The following C11orf54 variants were observed in gnomAD, a reference collection of about 807,000 sequenced individuals.
C11orf54 encodes beta-keto L-gulonate decarboxylase.
In C11orf54, 29 loss-of-function variants were observed where a neutral mutation model predicts 35.5. That is an observed-to-expected ratio of 0.82 (90% CI 0.61 to 1.11). C11orf54 has a LOEUF of 1.11. Among genes scored for constraint, C11orf54 ranks in the 50% most tolerant of loss-of-function variants. The pLI is 0.00. For synonymous variants in C11orf54, 108 were observed against 121.1 expected, an observed-to-expected ratio of 0.89 and a Z score of 0.71; for missense variants, 373 against 369.2, an observed-to-expected ratio of 1.01 and a Z score of -0.08.
chr11:93,749,779 C>G (rs76541689), intron 2 of C11orf54, among the ~76,000 whole-genome samples: 2,717 of 152,228 alleles, frequency 0.018, 87 homozygotes, highest in African/African-American at 0.061. Flanking sequence ...CTTGAGTGTA[C>G]AGCTTGATGA....
At chr11:93,744,700 AG>A (rs1169708218) in intron 1 of C11orf54, among the ~76,000 whole-genome samples, 1 of 152,228 alleles carries the variant, frequency 6.6e-6, no homozygotes, top group Non-Finnish European at 1.5e-5. Context: ...CCAAAACTGA[AG>A]GGGGCCTGCC....
At position 93,755,273 on chromosome 11, in the gene C11orf54, C is replaced by T; in HGVS notation, c.394C>T (p.His132Tyr). The change falls in exon 6 of 9, where the codon CAT becomes TAT. Residue 132 changes from histidine (H) to tyrosine (Y), a missense_variant. By Grantham distance (83) the His-to-Tyr change is moderately conservative (BLOSUM62 2). Coordinates refer to ENST00000354421, the MANE Select transcript of C11orf54 (RefSeq NM_001286069.2). ...TCCTGTAAATGGAAGTTACTTTGCC[C>T]ATGTGAACCCTGCAGATGGAGGGTG... ...KPPVNGSYFA[H>Y]VNPADGGCLL... The T allele has an allele frequency of 1.2e-6, 2 of 1,614,044 alleles. No homozygotes were observed. The highest frequency in any genetic ancestry group is 1.7e-6 in the Non-Finnish European group (2 of 1,179,984).
intron 2 of C11orf54, among the ~76,000 whole-genome samples, chr11:93,747,853 C>T (rs1942568516): frequency 6.6e-6 from 1 of 151,986 alleles, no homozygotes; most frequent in African/African-American, 2.4e-5. Flanking sequence ...TAATCATATT[C>T]CCAATATAAT....
In C11orf54 at chr11:93,761,758, T is replaced by C. The variant is rs1028299241; in HGVS notation, c.*70T>C. The C allele has an allele frequency of 1.5e-6, 2 of 1,372,728 alleles. No homozygotes were observed. Among genetic ancestry groups the C allele is most frequent in the African/African-American group, 3.0e-5 (2 of 67,656 alleles). The allele number at this position is 1,372,728 out of a possible 1,614,324, so 85.0% of individuals were successfully genotyped here. On this transcript the variant is annotated 3_prime_UTR_variant, in exon 9 of 9. Transcript: ENST00000354421. ...AATTGATTGACTTATTAATTAATAC[T>C]GATATAAAACCAATAGAAATGATCC...
chr11:93,761,874 A>C lies in C11orf54; in HGVS notation c.*186A>C, dbSNP rs1277214884. 4.4e-6 allele frequency: 2 copies of C among 450,732 alleles called. No homozygotes were observed. Among genetic ancestry groups the C allele is most frequent in the African/African-American group, 4.0e-5 (2 of 49,400 alleles). The allele number at this position is 450,732 out of a possible 1,614,324, so 27.9% of individuals were successfully genotyped here. On this transcript the variant is annotated 3_prime_UTR_variant, in exon 9 of 9. Transcript: ENST00000354421. ...CACTGGAGCCCAGGAGTTTGAGACC[A>C]GCTTGGGCAACATAGCAAGACCCTG...
In C11orf54 at chr11:93,741,733, G is replaced by A; in HGVS notation, c.-98+5G>A. The A allele has an allele frequency of 2.9e-6, 1 of 344,820 alleles. No homozygotes were observed. Among genetic ancestry groups the A allele is most frequent in the Non-Finnish European group, 5.7e-6 (1 of 174,826 alleles). The allele number at this position is 344,820 out of a possible 1,614,324, so 21.4% of individuals were successfully genotyped here. A position where few individuals can be genotyped will look rare whatever the true frequency, so the allele number is the denominator to read the frequency against. On this transcript the variant is annotated splice_donor_5th_base_variant and intron_variant, in intron 1 of 8. Coordinates refer to ENST00000354421, the MANE Select transcript of C11orf54 (RefSeq NM_001286069.2). ...TTTGCTACCGTGACCGTTTAGGTGA[G>A]TGGAATAGCCAAGAACATTTCGGCA...
chr11:93,749,898 T>C (rs570071686), intron 2 of C11orf54, among the ~76,000 whole-genome samples: 1 of 152,354 alleles, frequency 6.6e-6, no homozygotes, highest in African/African-American at 2.4e-5. Flanking sequence ...CCTTGATCCA[T>C]TGCCTGTTTC....
Position 93,756,002 on chromosome 11 carries a change from A to G in C11orf54, c.507+616A>G, listed in dbSNP as rs1215811995. Among the ~76,000 whole-genome samples the G allele has an allele frequency of 2.0e-5, 3 of 151,924 alleles. No homozygotes were observed. The East Asian group carries it at 5.8e-4, about 29-fold the overall frequency. ...GCCAACATAGCGAAACCTCGTCTCT[A>G]CTAAAAATACAAAAATTAGACAGGG... On this transcript the variant is annotated intron_variant, in intron 6 of 8. Coordinates refer to ENST00000354421, the MANE Select transcript of C11orf54 (RefSeq NM_001286069.2).
intron 5 of C11orf54, among the ~76,000 whole-genome samples, chr11:93,754,597 T>C (rs1943030112): frequency 6.6e-6 from 1 of 152,198 alleles, no homozygotes; most frequent in Non-Finnish European, 1.5e-5. Context: ...ATATGAATAG[T>C]AGTCATACAA....
intron 2 of C11orf54, 120 bp from the exon 3 acceptor site, chr11:93,750,226 C>T: frequency 3.0e-6 from 2 of 673,302 alleles, no homozygotes; most frequent in Non-Finnish European, 5.1e-6. Flanking sequence ...ACCATTTCCC[C>T]CTTCTTTTTT....
chr11:93,764,578 A>G lies in C11orf54; in HGVS notation c.*2890A>G, dbSNP rs1162189636. On this transcript the variant is annotated 3_prime_UTR_variant, in exon 9 of 9. Coordinates refer to ENST00000354421, the MANE Select transcript of C11orf54 (RefSeq NM_001286069.2). Reference sequence around the variant, plus strand: ...TCACACCATCTAATAGAGATGGGGGAAAAGATCAAAATGCTTTTCTTTTTA... The same window carrying G: ...TCACACCATCTAATAGAGATGGGGGGAAAGATCAAAATGCTTTTCTTTTTA... 1.3e-5 allele frequency: 2 copies of G among 152,158 alleles called. No individual in the cohort carries two copies. The highest frequency in any genetic ancestry group is 2.9e-5 in the Non-Finnish European group (2 of 68,026). The allele number at this position is 152,158 out of a possible 1,614,324, so 9.4% of individuals were successfully genotyped here.
Position 93,761,541 on chromosome 11 carries a change from TC to T in C11orf54, c.802del (p.His268IlefsTer20). ...GGTTTGATTTGCGACTGGAGCACAC[TC>T]ATTTTTTTAGTCGTCATGGAGAAGG... is the stretch of plus-strand genomic sequence containing the variant. Reference protein sequence around the residue: ...PGFDLRLEHTHFFSRHGEGGH... With the variant: ...PGFDLRLEHTXFFSRHGEGGH... On this transcript the variant is annotated frameshift_variant, in exon 9 of 9. Transcript: ENST00000354421. LOFTEE classifies it high-confidence loss of function. The T allele has an allele frequency of 6.2e-7, 1 of 1,610,872 alleles. No homozygotes were observed. The highest frequency in any genetic ancestry group is 2.2e-5 in the East Asian group (1 of 44,744).
intron 6 of C11orf54, among the ~76,000 whole-genome samples, chr11:93,756,153 CAAGACTCTGTCTCCAAAAAA>C (rs1301567589): frequency 1.0e-5 from 1 of 97,090 alleles, no homozygotes; most frequent in Non-Finnish European, 2.0e-5. Context: ...GGCAACAAAG[CAAGACTCTGTCTCCAAAAAA>C]AAAAAAAAAA....
intron 2 of C11orf54, among the ~76,000 whole-genome samples, chr11:93,749,139 A>C (rs1478660746): frequency 7.0e-6 from 1 of 143,356 alleles, no homozygotes; most frequent in African/African-American, 2.6e-5. Flanking sequence ...GTGAGACTCC[A>C]TCTCAAAAAA....
intron 2 of C11orf54, among the ~76,000 whole-genome samples, chr11:93,748,160 T>A (rs1942585525): frequency 6.6e-6 from 1 of 152,184 alleles, no homozygotes; most frequent in East Asian, 1.9e-4. Flanking sequence ...AGAAATAGAC[T>A]CATTTTTGCT....
intron 7 of C11orf54, 141 bp downstream of exon 7, chr11:93,757,606 T>C: frequency 1.1e-6 from 1 of 877,226 alleles, no homozygotes; most frequent in East Asian, 2.5e-5. Flanking sequence ...CTTGGCTCAC[T>C]GCAACCTCCA....
intron 2 of C11orf54, among the ~76,000 whole-genome samples, chr11:93,749,933 T>C (rs1478365566): frequency 1.3e-5 from 2 of 152,222 alleles, no homozygotes; most frequent in South Asian, 2.1e-4. Flanking sequence ...TGAAGTAATA[T>C]TGTATGTAGT....
intron 3 of C11orf54, among the ~76,000 whole-genome samples, chr11:93,751,399 G>GTTTTTTTTTTTTTTTTTTTTTTTTTTT (rs71064778): frequency 1.3e-5 from 1 of 74,708 alleles, no homozygotes; most frequent in Non-Finnish European, 2.5e-5. Flanking sequence ...CTTTTTTATA[G>GTTTTTTTTTTTTTTTTTTTTTTTTTTT]TTTTTTTTTT....
chr11:93,758,317 C>CA (rs1301693395), intron 7 of C11orf54, among the ~76,000 whole-genome samples: 2 of 152,220 alleles, frequency 1.3e-5, no homozygotes, highest in Non-Finnish European at 2.9e-5. Context: ...CATCCCTGTG[C>CA]TCTCCCAGTG....
Sources: gnomAD v4.1 joint callset for allele counts (sites outside exome capture counted in the v4.1 genomes callset) on GRCh38, gnomAD v4.1.1 for gene constraint, MANE v1.5 for transcripts, NCBI Gene and HGNC (gene_info 2026-07-23, HGNC 2026-07-21) for gene names.